The following NCAM1 variants were observed in gnomAD, a reference collection of about 807,000 sequenced individuals.
NCAM1 encodes the protein antigen recognized by monoclonal antibody 5.1H11.
A neutral mutation model predicts 109.8 loss-of-function variants in NCAM1; 14 were observed. The observed-to-expected ratio is 0.13, with a 90% confidence interval of 0.08 to 0.20. The LOEUF is 0.20. Among genes scored for constraint, NCAM1 ranks in the 10% least tolerant of loss-of-function variants. The pLI is 1.00. For synonymous variants in NCAM1, 418 were observed against 442.9 expected (o/e 0.94, Z 0.70); for missense variants, 774 against 1,109.9 (o/e 0.70, Z 4.30).
chr11:113,186,267 C>G (rs1318828392), intron 1 of NCAM1, among the ~76,000 whole-genome samples: 6 of 152,162 alleles, frequency 3.9e-5, no homozygotes, highest in Admixed American at 2.6e-4. Flanking sequence ...AGTTCAGCAG[C>G]AGCATTAGAT....
Position 112,963,700 on chromosome 11 carries a change from G to C in NCAM1, c.52+2036G>C, listed in dbSNP as rs1950639853. Among the ~76,000 whole-genome samples the C allele has an allele frequency of 1.3e-5, 2 of 152,236 alleles. No individual in the cohort carries two copies. The highest frequency in any genetic ancestry group is 4.1e-4 in the South Asian group (2 of 4,832). On this transcript the variant is annotated intron_variant, in intron 1 of 19. Coordinates refer to ENST00000316851, the MANE Select transcript of NCAM1 (RefSeq NM_181351.5). The surrounding 1 kb of genome is among the most constrained non-coding windows in gnomAD (Gnocchi z 4.6). The stretch of plus-strand genomic sequence containing the variant: ...GAGACATCCTCGCCCCCGGGTGGGA[G>C]CGTGACAATGGAGCCCGGATATTTG...
intron 1 of NCAM1, among the ~76,000 whole-genome samples, chr11:113,059,686 C>T (rs544411076): frequency 2.6e-5 from 4 of 152,320 alleles, no homozygotes; most frequent in African/African-American, 9.6e-5. Context: ...CGCATCACTT[C>T]AGCCATATTC....
At chr11:113,235,963 G>A (rs529446668) in intron 14 of NCAM1, among the ~76,000 whole-genome samples, 19 of 152,258 alleles carry the variant, frequency 1.2e-4, no homozygotes, top group East Asian at 9.7e-4. Context: ...AGAAGATACC[G>A]TAGAACTAAA....
At chr11:113,271,723 C>T in intron 18 of NCAM1, 37 bp from the exon 19 acceptor site, 1 of 1,494,020 alleles carries the variant, frequency 6.7e-7, no homozygotes, top group Non-Finnish European at 9.1e-7. Flanking sequence ...CTCCCTGCAG[C>T]TGCCCTAGGG....
rs1451207013 is a variant in NCAM1 at position 113,233,412 on chromosome 11, A to G, written c.1693+95A>G. ...ATCCTGGGCATGTTCCTACAGAATC[A>G]GGAACTGCACCTCCAGAATTAGGTC... On this transcript the variant is annotated intron_variant, in intron 13 of 19. Coordinates refer to ENST00000316851, the MANE Select transcript of NCAM1 (RefSeq NM_181351.5). This position sits in a 1 kb window ranked among gnomAD's most constrained non-coding sequence, Gnocchi z 4.5. 7.6e-7 allele frequency: 1 copy of G among 1,324,238 alleles called. No homozygotes were observed. Among genetic ancestry groups the G allele is most frequent in the Non-Finnish European group, 1.0e-6 (1 of 962,828 alleles). 82.0% of individuals were successfully genotyped at this position (1,324,238 alleles called of 1,614,324 possible).
intron 7 of NCAM1, among the ~76,000 whole-genome samples, chr11:113,210,746 C>G (rs1944361859): frequency 6.7e-6 from 1 of 149,394 alleles, no homozygotes. Context: ...CCACCCACAC[C>G]TTGGACACAT....
At chr11:113,094,894 A>G (rs369016775) in intron 1 of NCAM1, among the ~76,000 whole-genome samples, 1 of 152,220 alleles carries the variant, frequency 6.6e-6, no homozygotes, top group Non-Finnish European at 1.5e-5. Context: ...CTTTAATATT[A>G]AATCATATTT....
intron 1 of NCAM1, among the ~76,000 whole-genome samples, chr11:113,063,663 CCA>C (rs1937790454): frequency 6.6e-6 from 1 of 152,158 alleles, no homozygotes; most frequent in Non-Finnish European, 1.5e-5. Context: ...GTTCCTGGAA[CCA>C]CTCACTTCTG....
In NCAM1 at chr11:113,244,654, CGTGTGTGTGTGTGTGTGTGTGTGTGTGT is replaced by C. The variant is rs55798470; in HGVS notation, c.1826-1708_1826-1681del. On this transcript the variant is annotated intron_variant, in intron 14 of 19. Coordinates refer to ENST00000316851, the MANE Select transcript of NCAM1 (RefSeq NM_181351.5). ...TCCCAGTTTTGCTTCTGTGTGTGTGCGTGTGTGTGTGTGTGTGTGTGTGTGTGTGTGTGGACCCATTTATAATTATGAG... is the reference window on the plus strand; with the variant it reads ...TCCCAGTTTTGCTTCTGTGTGTGTGCGTGTGGACCCATTTATAATTATGAG... Among the ~76,000 whole-genome samples the C allele has an allele frequency of 5.3e-5, 8 of 149,870 alleles. No homozygotes were observed. In the East Asian group the frequency reaches 1.6e-3, roughly 29 times the overall value.
At chr11:113,185,079 T>TATATATATATATATATATATAG in intron 1 of NCAM1, among the ~76,000 whole-genome samples, 126 of 125,710 alleles carry the variant, frequency 1.0e-3, no homozygotes, top group African/African-American at 1.3e-3. Context: ...TATATATATA[T>TATATATATATATATATATATAG]AGAGAGAGAG....
At chr11:112,979,228 G>GA (rs150408197) in intron 1 of NCAM1, among the ~76,000 whole-genome samples, 2,371 of 146,778 alleles carry the variant, frequency 0.016, 35 homozygotes, top group African/African-American at 0.045. Context: ...GAACAAAAAA[G>GA]AAAAAAAAAC....
chr11:113,155,408 C>T (rs1229012278), intron 1 of NCAM1, among the ~76,000 whole-genome samples: 1 of 151,710 alleles, frequency 6.6e-6, no homozygotes, highest in Non-Finnish European at 1.5e-5. Context: ...ACTCAGGAGG[C>T]TGAGACAGGA....
chr11:113,111,953 A>G (rs1260114099), intron 1 of NCAM1, among the ~76,000 whole-genome samples: 1 of 152,172 alleles, frequency 6.6e-6, no homozygotes, highest in Non-Finnish European at 1.5e-5. Flanking sequence ...CTTATTTTTA[A>G]GCTTTATTGG....
intron 1 of NCAM1, among the ~76,000 whole-genome samples, chr11:112,976,737 G>A (rs1555067747): frequency 6.6e-6 from 1 of 151,860 alleles, no homozygotes; most frequent in African/African-American, 2.4e-5. Context: ...ACCATGATAG[G>A]TATTGATCTA....
chr11:113,008,878 G>A (rs1261801242), intron 1 of NCAM1, among the ~76,000 whole-genome samples: 1 of 152,106 alleles, frequency 6.6e-6, no homozygotes, highest in East Asian at 1.9e-4. Context: ...CAGTATCTGG[G>A]CTCAGTATGG....
chr11:113,119,755 A>G (rs1428446316), intron 1 of NCAM1, among the ~76,000 whole-genome samples: 1 of 152,152 alleles, frequency 6.6e-6, no homozygotes, highest in Non-Finnish European at 1.5e-5. Context: ...TGGGTTCAGC[A>G]TGTCTCCTCT....
At chr11:113,104,675 A>G (rs1940070230) in intron 1 of NCAM1, among the ~76,000 whole-genome samples, 1 of 152,034 alleles carries the variant, frequency 6.6e-6, no homozygotes, top group African/African-American at 2.4e-5. Flanking sequence ...GATGCAAAAC[A>G]TTTTTTTGTC....
intron 1 of NCAM1, among the ~76,000 whole-genome samples, chr11:112,990,543 C>T (rs1173441815): frequency 6.6e-6 from 1 of 152,142 alleles, no homozygotes; most frequent in Non-Finnish European, 1.5e-5. Context: ...AGATATATTT[C>T]TCTCTGGGAC....
chr11:113,056,338 G>A (rs1354406091), intron 1 of NCAM1, among the ~76,000 whole-genome samples: 7 of 151,890 alleles, frequency 4.6e-5, no homozygotes, highest in African/African-American at 1.5e-4. Context: ...CGATAATACG[G>A]TAAGGAAATT....
Sources: gnomAD v4.1 joint callset for allele counts (sites outside exome capture counted in the v4.1 genomes callset) on GRCh38, gnomAD v4.1.1 for gene constraint, Gnocchi (gnomAD v3.1) non-coding constraint, MANE v1.5 for transcripts, NCBI Gene and HGNC (gene_info 2026-07-23, HGNC 2026-07-21) for gene names.